The following SLC17A9 variants were observed in gnomAD, a reference collection of about 807,000 sequenced individuals.
The protein encoded by SLC17A9 is voltage-gated purine nucleotide uniporter SLC17A9.
Under a neutral mutation model 55.0 loss-of-function variants are expected in SLC17A9, and 49 were observed. The ratio of observed to expected loss-of-function variants is 0.89; its 90% CI spans 0.71 to 1.13. SLC17A9 has a LOEUF of 1.13. Ranked by LOEUF, SLC17A9 falls within the 50% of genes most tolerant of loss-of-function variation. SLC17A9 has a pLI of 0.00. For missense variants in SLC17A9, 526 were observed against 569.3 expected, an observed-to-expected ratio of 0.92 and a Z score of 0.77; for synonymous variants, 256 against 247.4, an observed-to-expected ratio of 1.03 and a Z score of -0.32.
Position 62,968,954 on chromosome 20 carries a change from A to G in SLC17A9, c.*1454A>G, listed in dbSNP as rs943304166. 1 of 152,248 alleles carries G rather than the reference A, an allele frequency of 6.6e-6. No individual in the cohort carries two copies. The highest frequency in any genetic ancestry group is 2.4e-5 in the African/African-American group (1 of 41,438). The allele number at this position is 152,248 out of a possible 1,614,324, so 9.4% of individuals were successfully genotyped here. A position where few individuals can be genotyped will look rare whatever the true frequency, so the allele number is the denominator to read the frequency against. ...ACTTGAGCACAAATGTTCCCCTACA[A>G]TCTCTCCAGTTTCGGTCAGCCCAAC... On this transcript the variant is annotated 3_prime_UTR_variant, in exon 13 of 13. Transcript: ENST00000370351.
intron 12 of SLC17A9, 56 bp from the exon 13 acceptor site, chr20:62,967,281 G>T (rs1410971625): frequency 4.4e-6 from 7 of 1,601,724 alleles, no homozygotes; most frequent in Admixed American, 3.4e-5. Flanking sequence ...CCAGGGTGGG[G>T]TGTGGGGCCT....
chr20:62,956,934 C>T lies in SLC17A9; in HGVS notation c.229C>T (p.Gln77Ter), dbSNP rs2065541863. The T allele has an allele frequency of 6.2e-7, 1 of 1,613,522 alleles. No homozygotes were observed. Residue 77 changes from glutamine (Q) to a stop codon, truncating the protein, a stop_gained, in exon 2 of 13, where the codon CAG becomes TAG. Coordinates refer to ENST00000370351, the MANE Select transcript of SLC17A9 (RefSeq NM_022082.4). LOFTEE classifies it high-confidence loss of function. ...SSFFWGYCLT[Q>*]VVGGHLGDRI... Reference sequence around the variant, plus strand: ...CTTCTTCTGGGGCTACTGCCTGACACAGGTTGTGGGCGGCCACCTCGGGGA... The same window carrying T: ...CTTCTTCTGGGGCTACTGCCTGACATAGGTTGTGGGCGGCCACCTCGGGGA...
chr20:62,964,659 G>A (rs911462219), intron 8 of SLC17A9, among the ~76,000 whole-genome samples: 6 of 152,208 alleles, frequency 3.9e-5, no homozygotes, highest in Non-Finnish European at 7.4e-5. Context: ...GATGAGCCCC[G>A]AGCGGGCTGC....
chr20:62,955,760 C>T (rs143282855), intron 1 of SLC17A9, among the ~76,000 whole-genome samples: 2 of 152,344 alleles, frequency 1.3e-5, no homozygotes, highest in African/African-American at 2.4e-5. Flanking sequence ...AACAACAGGG[C>T]TGCGGGTATC....
Position 62,967,426 on chromosome 20 carries a change from C to G in SLC17A9, c.1237C>G (p.Leu413Val). Residue 413 changes from leucine (L) to valine (V), a missense_variant, in exon 13 of 13, where the codon CTG becomes GTG. Transcript: ENST00000370351. ...LFNLVAIISNLGLCTFLVFGQ... is the reference protein window; with the variant it reads ...LFNLVAIISNVGLCTFLVFGQ... ...CAACCTTGTGGCCATCATCAGCAAC[C>G]TGGGGCTGTGCACCTTCCTGGTGTT... 1.9e-6 allele frequency: 3 copies of G among 1,614,240 alleles called. No individual in the cohort carries two copies. The highest frequency in any genetic ancestry group is 2.5e-6 in the Non-Finnish European group (3 of 1,180,038).
In SLC17A9 at chr20:62,962,565, C is replaced by T; in HGVS notation, c.498-59C>T. On this transcript the variant is annotated intron_variant, in intron 4 of 12. Coordinates refer to ENST00000370351, the MANE Select transcript of SLC17A9 (RefSeq NM_022082.4). This position sits in a 1 kb window ranked among gnomAD's most constrained non-coding sequence, Gnocchi z 5.5. The stretch of plus-strand genomic sequence containing the variant: ...CACCAGGGTGGGGTTTCTGAGAGGC[C>T]CCTCCTCACCCGAGGGGTGCCGCTG... 2 of 1,583,820 alleles carry T rather than the reference C, an allele frequency of 1.3e-6. No individual in the cohort carries two copies. The highest frequency in any genetic ancestry group is 1.1e-5 in the South Asian group (1 of 87,368).
At chr20:62,959,730 G>T (rs1015137343) in intron 3 of SLC17A9, among the ~76,000 whole-genome samples, 1 of 152,276 alleles carries the variant, frequency 6.6e-6, no homozygotes, top group African/African-American at 2.4e-5. Flanking sequence ...CCAGGCAGGC[G>T]CTTCCTGTGT....
Position 62,956,924 on chromosome 20 carries a change from C to T in SLC17A9, c.219C>T (p.Tyr73=). The change falls in exon 2 of 13, where the codon TAC becomes TAT. Residue 73 remains tyrosine (Y), a synonymous_variant. Transcript: ENST00000370351. ...TGCTCAGCAGCTTCTTCTGGGGCTA[C>T]TGCCTGACACAGGTTGTGGGCGGCC... ...GIVLSSFFWG[Y]CLTQVVGGHL... The T allele has an allele frequency of 6.2e-7, 1 of 1,613,574 alleles. No individual in the cohort carries two copies. Among genetic ancestry groups the T allele is most frequent in the Non-Finnish European group, 8.5e-7 (1 of 1,180,026 alleles).
At position 62,960,502 on chromosome 20, in the gene SLC17A9, A is replaced by G; in HGVS notation, c.398-2A>G. 6.2e-7 allele frequency: 1 copy of G among 1,611,950 alleles called. No homozygotes were observed. The highest frequency in any genetic ancestry group is 8.5e-7 in the Non-Finnish European group (1 of 1,179,428). On this transcript the variant is annotated splice_acceptor_variant, in intron 3 of 12. Coordinates refer to ENST00000370351, the MANE Select transcript of SLC17A9 (RefSeq NM_022082.4). LOFTEE classifies it high-confidence loss of function. ...GAGAGACCCTCCCTCCACTTGTTGC[A>G]GGGGTTTACTTCCCTGCCCTGACCA...
chr20:62,957,817 G>A lies in SLC17A9; in HGVS notation c.397+237G>A, dbSNP rs113423217. Among the ~76,000 whole-genome samples, 359 of 116,082 alleles carry A rather than the reference G, an allele frequency of 3.1e-3. 26 individuals are homozygous for A. Among genetic ancestry groups the A allele is most frequent in the African/African-American group, 9.7e-3 (307 of 31,760 alleles). 76.2% of individuals were successfully genotyped at this position (116,082 alleles called of 152,430 possible). A position where few individuals can be genotyped will look rare whatever the true frequency, so the allele number is the denominator to read the frequency against. On this transcript the variant is annotated intron_variant, in intron 3 of 12. Coordinates refer to ENST00000370351, the MANE Select transcript of SLC17A9 (RefSeq NM_022082.4). ...TGTGTGTGCGTGTGCAAGTGTGTGT[G>A]TATGGGCATGCCCGCGTGCATGCGT...
rs780428359 is a variant in SLC17A9, at chr20:62,963,346, G to T, written c.702G>T (p.Arg234=). ...GGCACAACAGAGTCCCCTGGAGACG[G>T]CTCTTCCGGAAGCCTGCTGTCTGGT... ...VSRHNRVPWR[R]LFRKPAVWAA... is the part of the protein sequence containing the mutation. The change falls in exon 6 of 13, where the codon CGG becomes CGT. Residue 234 remains arginine, a synonymous_variant. Transcript: ENST00000370351. The T allele has an allele frequency of 1.9e-5, 30 of 1,613,486 alleles. No individual in the cohort carries two copies. The highest frequency in any genetic ancestry group is 2.5e-5 in the Non-Finnish European group (29 of 1,179,972).
At chr20:62,961,570 T>C (rs975288565) in intron 4 of SLC17A9, among the ~76,000 whole-genome samples, 3 of 152,156 alleles carry the variant, frequency 2.0e-5, no homozygotes, top group African/African-American at 4.8e-5. Context: ...TCCCAATCAC[T>C]GGGCTCAGGC....
At chr20:62,956,644 A>G (rs1001388112) in intron 1 of SLC17A9, 121 bp from the exon 2 acceptor site, 1 of 924,630 alleles carries the variant, frequency 1.1e-6, no homozygotes, top group African/African-American at 1.7e-5. Flanking sequence ...GTTGCCCTCC[A>G]TCAAAGCTGT....
At chr20:62,965,926 C>T (rs145193244) in intron 10 of SLC17A9, among the ~76,000 whole-genome samples, 3 of 152,372 alleles carry the variant, frequency 2.0e-5, no homozygotes, top group South Asian at 2.1e-4. Context: ...GCAGCACGTG[C>T]GCGTGATTTG....
chr20:62,961,585 G>C (rs1389863557), intron 4 of SLC17A9, among the ~76,000 whole-genome samples: 2 of 152,190 alleles, frequency 1.3e-5, no homozygotes, highest in African/African-American at 4.8e-5. Flanking sequence ...TCAGGCCCTC[G>C]TGTTACTGTT....
In SLC17A9 at chr20:62,962,588, CT is replaced by C; in HGVS notation, c.498-35del. 6.2e-7 allele frequency: 1 copy of C among 1,610,352 alleles called. No homozygotes were observed. The highest frequency in any genetic ancestry group is 1.1e-5 in the South Asian group (1 of 90,850). On this transcript the variant is annotated intron_variant, in intron 4 of 12. Coordinates refer to ENST00000370351, the MANE Select transcript of SLC17A9 (RefSeq NM_022082.4). The surrounding 1 kb of genome is among the most constrained non-coding windows in gnomAD (Gnocchi z 5.5). ...GCCCCTCCTCACCCGAGGGGTGCCG[CT>C]GAGGGGCCTGGCCACACTCCCCCTG...
At position 62,958,421 on chromosome 20, in the gene SLC17A9, TG is replaced by T. The variant is rs1282627832; in HGVS notation, c.397+848del. ...TTAACTGTCAGGAGAACAAGGTGGG[TG>T]GGGGGGCCAAGGGGGCTTTGAGGGG... On this transcript the variant is annotated intron_variant, in intron 3 of 12. Transcript: ENST00000370351. This position sits in a 1 kb window ranked among gnomAD's most constrained non-coding sequence, Gnocchi z 4.1. 2.8e-5 allele frequency among the ~76,000 whole-genome samples: 4 copies of T among 142,776 alleles called. No homozygotes were observed. Among genetic ancestry groups the T allele is most frequent in the East Asian group, 4.6e-4 (2 of 4,388 alleles). The allele number at this position is 142,776 out of a possible 152,430, so 93.7% of individuals were successfully genotyped here. A position where few individuals can be genotyped will look rare whatever the true frequency, so the allele number is the denominator to read the frequency against.
chr20:62,966,541 A>T lies in SLC17A9; in HGVS notation c.1078A>T (p.Ile360Phe), dbSNP rs1394765382. 1 of 1,613,952 alleles carries T rather than the reference A, an allele frequency of 6.2e-7. No individual in the cohort carries two copies. Among genetic ancestry groups the T allele is most frequent in the East Asian group, 2.2e-5 (1 of 44,866 alleles). The change falls in exon 11 of 13, where the codon ATC (isoleucine) becomes TTC (phenylalanine). Residue 360 changes from isoleucine to phenylalanine, a missense_variant. Ile to Phe is a conservative substitution (Grantham distance 21, BLOSUM62 0). Transcript: ENST00000370351. ...TCCCCACAGTGGCATTTCTGTTAAC[A>T]TCCAGGACTTGGCCCCGTCCTGCGC... ...TFNHSGISVN[I>F]QDLAPSCAGF...
intron 2 of SLC17A9, 37 bp downstream of exon 2, chr20:62,956,999 G>T (rs369941336): frequency 1.1e-4 from 178 of 1,611,554 alleles, no homozygotes; most frequent in Non-Finnish European, 1.4e-4. Context: ...GGCTGGTGGG[G>T]GCCGCCCCAC....
Sources: gnomAD v4.1 joint callset for allele counts (sites outside exome capture counted in the v4.1 genomes callset) on GRCh38, gnomAD v4.1.1 for gene constraint, Gnocchi (gnomAD v3.1) non-coding constraint, MANE v1.5 for transcripts, NCBI Gene and HGNC (gene_info 2026-07-23, HGNC 2026-07-21) for gene names.